The following MCF2L2 variants were observed in gnomAD, a reference collection of about 807,000 sequenced individuals.
MCF2L2 encodes probable guanine nucleotide exchange factor MCF2L2.
Under a neutral mutation model 150.2 loss-of-function variants are expected in MCF2L2, and 102 were observed. That is an observed-to-expected ratio of 0.68 (90% CI 0.58 to 0.80). The LOEUF (loss-of-function observed/expected upper bound fraction) is 0.80, where lower values mean the gene tolerates loss of function less well. Ranked by LOEUF, MCF2L2 falls within the 30% of genes least tolerant of loss-of-function variation. The pLI is 0.00. For synonymous variants in MCF2L2, 465 were observed against 491.3 expected (o/e 0.95, Z 0.71); for missense variants, 1,256 against 1,372.8 (o/e 0.91, Z 1.34).
At chr3:183,200,087 C>A (rs1410607212) in intron 25 of MCF2L2, among the ~76,000 whole-genome samples, 1 of 152,254 alleles carries the variant, frequency 6.6e-6, no homozygotes, top group Non-Finnish European at 1.5e-5. Flanking sequence ...AATAAACATA[C>A]GTGTGCATGT....
rs904700115 is a variant in MCF2L2 at position 183,327,086 on chromosome 3, G to C, written c.487-3735C>G. On this transcript the variant is annotated intron_variant, in intron 5 of 29. Coordinates refer to ENST00000328913, the MANE Select transcript of MCF2L2 (RefSeq NM_015078.4). Reference sequence around the variant, plus strand: ...TCACACCTGTAATCCCAGCACTTTGGGGGGCCGAGGCAGGCAGATCACGAG... The same window carrying C: ...TCACACCTGTAATCCCAGCACTTTGCGGGGCCGAGGCAGGCAGATCACGAG... Among the ~76,000 whole-genome samples, 6 of 152,154 alleles carry C rather than the reference G, an allele frequency of 3.9e-5. No individual in the cohort carries two copies. The East Asian group carries it at 7.7e-4, about 20-fold the overall frequency.
chr3:183,196,290 A>G (rs1391378961), intron 25 of MCF2L2, among the ~76,000 whole-genome samples: 2 of 151,846 alleles, frequency 1.3e-5, no homozygotes, highest in African/African-American at 4.8e-5. Flanking sequence ...CCTCTCACCC[A>G]TGGCCCTAAG....
intron 22 of MCF2L2, among the ~76,000 whole-genome samples, chr3:183,213,410 T>C (rs1332581355): frequency 6.6e-6 from 1 of 151,974 alleles, no homozygotes; most frequent in Non-Finnish European, 1.5e-5. Context: ...AATATAAATA[T>C]CAGAAGGGAT....
intron 5 of MCF2L2, among the ~76,000 whole-genome samples, chr3:183,333,399 A>G (rs1050850665): frequency 6.6e-6 from 1 of 152,166 alleles, no homozygotes; most frequent in African/African-American, 2.4e-5. Flanking sequence ...TTGAACAGAT[A>G]ATATTTATAG....
chr3:183,358,302 T>C (rs1711910390), intron 3 of MCF2L2, among the ~76,000 whole-genome samples: 2 of 150,184 alleles, frequency 1.3e-5, no homozygotes, highest in South Asian at 4.2e-4. Flanking sequence ...ACAAGAAAAA[T>C]AAATAAATAA....
At chr3:183,264,597 T>G (rs1725924020) in intron 15 of MCF2L2, among the ~76,000 whole-genome samples, 1 of 152,232 alleles carries the variant, frequency 6.6e-6, no homozygotes, top group Non-Finnish European at 1.5e-5. Flanking sequence ...AACTGGAGAC[T>G]GAGGTTGTTT....
chr3:183,282,721 T>A (rs1015361322), intron 14 of MCF2L2, among the ~76,000 whole-genome samples: 4 of 152,230 alleles, frequency 2.6e-5, no homozygotes, highest in Non-Finnish European at 5.9e-5. Context: ...AATTTTTATG[T>A]CTGTAAATCT....
chr3:183,190,409 T>C (rs755300051), intron 27 of MCF2L2, among the ~76,000 whole-genome samples: 2 of 152,206 alleles, frequency 1.3e-5, no homozygotes, highest in African/African-American at 2.4e-5. Context: ...CGGTCTTCAG[T>C]CAGGTTCCCC....
chr3:183,392,076 T>C (rs770740309), intron 1 of MCF2L2, among the ~76,000 whole-genome samples: 1 of 152,140 alleles, frequency 6.6e-6, no homozygotes, highest in African/African-American at 2.4e-5. Context: ...TCAGAGATGA[T>C]GAACCGAGAG....
chr3:183,357,693 G>A (rs903637113), intron 3 of MCF2L2, among the ~76,000 whole-genome samples: 5 of 152,124 alleles, frequency 3.3e-5, no homozygotes, highest in African/African-American at 7.2e-5. Flanking sequence ...ATGCAAGCAC[G>A]CCCATGAAGG....
At chr3:183,224,451 G>A (rs143303642) in intron 18 of MCF2L2, 76 of 343,188 alleles carry the variant, frequency 2.2e-4, no homozygotes, top group Non-Finnish European at 3.3e-4. Flanking sequence ...AAATACATAA[G>A]TAGACTCACA....
intron 5 of MCF2L2, among the ~76,000 whole-genome samples, chr3:183,333,961 CAAA>C (rs57368442): frequency 0.15 from 14,342 of 94,828 alleles, 767 homozygotes; most frequent in Non-Finnish European, 0.23. Flanking sequence ...AAGGAAGTGC[CAAA>C]AAAAAAAAAA....
intron 1 of MCF2L2, among the ~76,000 whole-genome samples, chr3:183,391,171 TGGA>T (rs1440459801): frequency 2.6e-5 from 4 of 152,100 alleles, no homozygotes; most frequent in Non-Finnish European, 5.9e-5. Flanking sequence ...ATAATATATA[TGGA>T]GATGTATATA....
At chr3:183,231,287 G>A (rs1723546285) in intron 15 of MCF2L2, 1 of 574,122 alleles carries the variant, frequency 1.7e-6, no homozygotes, top group African/African-American at 1.9e-5. Context: ...CTGTCCTCTG[G>A]GTGGGCCATA....
intron 12 of MCF2L2, 45 bp downstream of exon 12, chr3:183,296,931 T>C (rs1170674354): frequency 6.3e-7 from 1 of 1,580,270 alleles, no homozygotes; most frequent in African/African-American, 1.3e-5. Flanking sequence ...CTCCCTCCCC[T>C]ATCCGTTTCC....
intron 3 of MCF2L2, chr3:183,377,075 G>A (rs1196824020): frequency 2.0e-5 from 3 of 152,166 alleles, no homozygotes; most frequent in African/African-American, 7.2e-5. Context: ...TACAGAACAT[G>A]CAGGTTTGTT....
chr3:183,368,933 A>C (rs760521641), intron 3 of MCF2L2, among the ~76,000 whole-genome samples: 7 of 152,226 alleles, frequency 4.6e-5, no homozygotes, highest in African/African-American at 7.2e-5. Context: ...CATGAAATTC[A>C]TAAAGATTAT....
At chr3:183,295,817 G>C (rs572322093) in intron 12 of MCF2L2, among the ~76,000 whole-genome samples, 88 of 152,186 alleles carry the variant, frequency 5.8e-4, no homozygotes, top group African/African-American at 2.0e-3. Flanking sequence ...AATTAGCCGG[G>C]TGTGGTGGCT....
At chr3:183,233,362 A>T (rs1435721163) in intron 15 of MCF2L2, among the ~76,000 whole-genome samples, 1 of 147,500 alleles carries the variant, frequency 6.8e-6, no homozygotes, top group Non-Finnish European at 1.5e-5. Flanking sequence ...CAAAAAAAAA[A>T]TATATATATA....
Sources: gnomAD v4.1 joint callset for allele counts (sites outside exome capture counted in the v4.1 genomes callset) on GRCh38, gnomAD v4.1.1 for gene constraint, MANE v1.5 for transcripts, NCBI Gene and HGNC (gene_info 2026-07-23, HGNC 2026-07-21) for gene names.